The following NVL variants were observed in gnomAD, a reference collection of about 807,000 sequenced individuals.
The protein encoded by NVL is nuclear VCP like.
In NVL, 84 loss-of-function variants were observed where a neutral mutation model predicts 110.2. The ratio of observed to expected loss-of-function variants is 0.76; its 90% CI spans 0.64 to 0.91. The LOEUF (loss-of-function observed/expected upper bound fraction) is 0.91, where lower values mean the gene tolerates loss of function less well. Among genes scored for constraint, NVL ranks in the 40% least tolerant of loss-of-function variants. The pLI is 0.00. For missense variants in NVL, 882 were observed against 1,035.9 expected, an observed-to-expected ratio of 0.85 and a Z score of 2.04; for synonymous variants, 354 against 361.1, an observed-to-expected ratio of 0.98 and a Z score of 0.22.
intron 8 of NVL, 31 bp from the exon 9 acceptor site, chr1:224,303,888 C>G (rs765588818): frequency 8.0e-5 from 125 of 1,571,676 alleles, no homozygotes; most frequent in Non-Finnish European, 1.1e-4. Context: ...AGATGTCTTT[C>G]AAGACAGAAC....
intron 17 of NVL, among the ~76,000 whole-genome samples, chr1:224,274,377 G>A (rs1380227955): frequency 6.6e-6 from 1 of 152,074 alleles, no homozygotes; most frequent in Non-Finnish European, 1.5e-5. Flanking sequence ...GCTCACCCAT[G>A]TAATCCCAGC....
chr1:224,270,984 T>G (rs1269720421), intron 17 of NVL, among the ~76,000 whole-genome samples: 3 of 152,162 alleles, frequency 2.0e-5, no homozygotes, highest in African/African-American at 7.2e-5. Context: ...CAACCCTGAT[T>G]TTCACTTCCA....
chr1:224,301,183 T>C lies in NVL; in HGVS notation c.961-520A>G, dbSNP rs1346165718. ...TCAACTTGTTTTTATTTTATACATG[T>C]CACTATAAAATTCTATTATCTTTTC... is the stretch of plus-strand genomic sequence containing the variant. On this transcript the variant is annotated intron_variant, in intron 9 of 22. Coordinates refer to ENST00000281701, the MANE Select transcript of NVL (RefSeq NM_002533.4). Among the ~76,000 whole-genome samples, 3 of 152,236 alleles carry C rather than the reference T, an allele frequency of 2.0e-5. No homozygotes were observed. In the East Asian group the frequency reaches 5.8e-4, roughly 29 times the overall value.
intron 12 of NVL, among the ~76,000 whole-genome samples, chr1:224,290,968 C>T (rs1449139337): frequency 4.6e-5 from 7 of 151,996 alleles, no homozygotes; most frequent in East Asian, 3.9e-4. Flanking sequence ...GACTCCATCT[C>T]GAATAATTTA....
chr1:224,245,791 A>G (rs1279647612), intron 19 of NVL, among the ~76,000 whole-genome samples: 2 of 151,912 alleles, frequency 1.3e-5, no homozygotes, highest in Non-Finnish European at 2.9e-5. Flanking sequence ...TCATTTCTCT[A>G]AAAATACAAA....
At chr1:224,259,964 C>A (rs1386301516) in intron 18 of NVL, among the ~76,000 whole-genome samples, 4 of 152,092 alleles carry the variant, frequency 2.6e-5, no homozygotes. Context: ...GCCATCGCAT[C>A]CAGCCGTAAA....
chr1:224,294,278 T>C lies in NVL; in HGVS notation c.1314A>G (p.Ala438=). The change falls in exon 12 of 23, where the codon GCA becomes GCG. Residue 438 remains alanine, a synonymous_variant. Coordinates refer to ENST00000281701, the MANE Select transcript of NVL (RefSeq NM_002533.4). ...REICLGIPDE[A]SRERILQTLC... ...CTATAAGAATATACCTTTCCCTGGA[T>C]GCTTCATCTGGGATACCTAGGCATA... is the stretch of plus-strand genomic sequence containing the variant. The C allele has an allele frequency of 6.2e-7, 1 of 1,614,212 alleles. No homozygotes were observed. Among genetic ancestry groups the C allele is most frequent in the Non-Finnish European group, 8.5e-7 (1 of 1,180,046 alleles).
chr1:224,250,522 GC>G (rs1440751221), intron 18 of NVL, among the ~76,000 whole-genome samples: 1 of 151,842 alleles, frequency 6.6e-6, no homozygotes, highest in Non-Finnish European at 1.5e-5. Flanking sequence ...ATGCTATCAT[GC>G]CTGGCTAATT....
At chr1:224,267,410 G>A (rs542121778) in intron 18 of NVL, among the ~76,000 whole-genome samples, 8 of 152,078 alleles carry the variant, frequency 5.3e-5, no homozygotes, top group East Asian at 3.9e-4. Context: ...TATGCTGGTC[G>A]GGTGCAGTGG....
intron 6 of NVL, among the ~76,000 whole-genome samples, chr1:224,306,368 G>A (rs565056351): frequency 3.9e-5 from 6 of 152,192 alleles, no homozygotes; most frequent in South Asian, 2.1e-4. Context: ...CCGGGTTCAC[G>A]TCATTCTCCT....
intron 15 of NVL, among the ~76,000 whole-genome samples, chr1:224,285,621 A>G (rs568116527): frequency 2.0e-4 from 30 of 152,104 alleles, no homozygotes; most frequent in Non-Finnish European, 4.0e-4. Context: ...GCTTATTTTT[A>G]TTTTCTATTA....
chr1:224,311,046 C>T (rs920632186), intron 5 of NVL, among the ~76,000 whole-genome samples: 1 of 150,876 alleles, frequency 6.6e-6, no homozygotes, highest in African/African-American at 2.4e-5. Flanking sequence ...TATTCTATTC[C>T]TTACTGATTT....
intron 15 of NVL, 85 bp from the exon 16 acceptor site, chr1:224,281,270 A>C: frequency 9.7e-6 from 10 of 1,033,906 alleles, no homozygotes; most frequent in South Asian, 1.3e-5. Flanking sequence ...GTGACAATGA[A>C]AGGACTCTGT....
chr1:224,313,755 C>T (rs1669783485), intron 4 of NVL, among the ~76,000 whole-genome samples: 2 of 152,188 alleles, frequency 1.3e-5, no homozygotes, highest in Admixed American at 1.3e-4. Flanking sequence ...GTAACCCCAG[C>T]ACTTTGGGAG....
At chr1:224,253,865 C>CAGTCTTTTCA (rs1662836132) in intron 18 of NVL, among the ~76,000 whole-genome samples, 1 of 152,034 alleles carries the variant, frequency 6.6e-6, no homozygotes. Flanking sequence ...TTGGCACAGC[C>CAGTCTTTTCA]AGTCTTTTCA....
chr1:224,285,983 G>T, intron 15 of NVL, 43 bp downstream of exon 15: 3 of 1,404,868 alleles, frequency 2.1e-6, no homozygotes, highest in Non-Finnish European at 3.0e-6. Flanking sequence ...TATCCTATCT[G>T]ATACTAAGAA....
At chr1:224,322,880 G>A (rs566748244) in intron 2 of NVL, among the ~76,000 whole-genome samples, 1 of 152,196 alleles carries the variant, frequency 6.6e-6, no homozygotes, top group South Asian at 2.1e-4. Context: ...CTTGAACCAG[G>A]GAGGCAGAGG....
At chr1:224,300,350 T>C (rs1355191003) in intron 10 of NVL, among the ~76,000 whole-genome samples, 3 of 152,236 alleles carry the variant, frequency 2.0e-5, no homozygotes, top group Non-Finnish European at 4.4e-5. Flanking sequence ...CATTTATGTT[T>C]GATTTCAAAT....
chr1:224,260,848 C>T (rs1000471442), intron 18 of NVL, among the ~76,000 whole-genome samples: 6 of 151,256 alleles, frequency 4.0e-5, no homozygotes, highest in African/African-American at 1.5e-4. Flanking sequence ...ATTACAGGTA[C>T]ACACCAGTGC....
Sources: allele counts gnomAD v4.1 joint callset (sites outside exome capture counted in the v4.1 genomes callset), GRCh38; gene constraint gnomAD v4.1.1; transcripts MANE v1.5; gene names NCBI Gene and HGNC (gene_info 2026-07-23, HGNC 2026-07-21).